Variants in GALNT13 observed in about 807,000 individuals in gnomAD.
GALNT13 encodes polypeptide N-acetylgalactosaminyltransferase 13, also known as UDP-GalNAc:polypeptide N-acetylgalactosaminyltransferase 13.
A neutral mutation model predicts 64.2 loss-of-function variants in GALNT13; 28 were observed. The observed-to-expected ratio is 0.44, with a 90% CI of 0.32 to 0.60. The LOEUF (loss-of-function observed/expected upper bound fraction) is 0.60, where lower values mean the gene tolerates loss of function less well. Ranked by LOEUF, GALNT13 falls within the 20% of genes least tolerant of loss-of-function variation. GALNT13 has a pLI of 0.05. For synonymous variants in GALNT13, 214 were observed against 224.6 expected, an observed-to-expected ratio of 0.95 and a Z score of 0.42; for missense variants, 577 against 669.8, an observed-to-expected ratio of 0.86 and a Z score of 1.53.
the GALNT13 span, among the ~76,000 whole-genome samples, chr2:153,425,837 C>G: frequency 5.3e-5 from 8 of 151,990 alleles, no homozygotes; most frequent in South Asian, 1.7e-3. Flanking sequence ...TCTCATATTA[C>G]ATTCCATTTG....
intron 8 of GALNT13, chr2:154,287,423 T>A (rs1692334665): frequency 2.2e-6 from 1 of 445,722 alleles, no homozygotes; most frequent in Non-Finnish European, 4.2e-6. Flanking sequence ...GCTGCCCCAG[T>A]GAGGGCCCAC....
the GALNT13 span, among the ~76,000 whole-genome samples, chr2:153,780,246 T>G: frequency 5.0e-5 from 2 of 39,836 alleles, no homozygotes; most frequent in South Asian, 4.9e-4. Flanking sequence ...TATATATATA[T>G]ATATATATAT....
intron 3 of GALNT13, among the ~76,000 whole-genome samples, chr2:153,951,449 G>C (rs1692176838): frequency 6.6e-6 from 1 of 152,144 alleles, no homozygotes; most frequent in Admixed American, 6.6e-5. Flanking sequence ...TCTGCTTAGA[G>C]CAAAATAGTG....
At chr2:153,516,579 T>A in the GALNT13 span, among the ~76,000 whole-genome samples, 1 of 151,942 alleles carries the variant, frequency 6.6e-6, no homozygotes, top group Non-Finnish European at 1.5e-5. Flanking sequence ...GTTTCCTTAA[T>A]GAAATATGAG....
intron 4 of GALNT13, among the ~76,000 whole-genome samples, chr2:154,172,690 C>T (rs1685427680): frequency 6.6e-6 from 1 of 151,416 alleles, no homozygotes; most frequent in Non-Finnish European, 1.5e-5. Flanking sequence ...ATACAGAGCA[C>T]ATTTTCTTCA....
the GALNT13 span, among the ~76,000 whole-genome samples, chr2:153,144,897 TGCA>T: frequency 6.6e-6 from 1 of 151,944 alleles, no homozygotes; most frequent in African/African-American, 2.4e-5. Context: ...AGAAATTATA[TGCA>T]TGATTTTTCT....
At chr2:153,101,671 C>T in the GALNT13 span, among the ~76,000 whole-genome samples, 1 of 152,116 alleles carries the variant, frequency 6.6e-6, no homozygotes, top group Non-Finnish European at 1.5e-5. Context: ...CAAAATTGAC[C>T]TACCTGGCTA....
At chr2:153,475,943 A>G in the GALNT13 span, among the ~76,000 whole-genome samples, 1 of 152,176 alleles carries the variant, frequency 6.6e-6, no homozygotes, top group Non-Finnish European at 1.5e-5. Context: ...AAAATAGAAC[A>G]TTGCCATTTC....
At chr2:153,747,707 G>A in the GALNT13 span, among the ~76,000 whole-genome samples, 8 of 152,078 alleles carry the variant, frequency 5.3e-5, no homozygotes, top group Admixed American at 1.3e-4. Flanking sequence ...GATTACAGAC[G>A]TGAGCCACTG....
At chr2:153,144,046 C>T in the GALNT13 span, among the ~76,000 whole-genome samples, 1 of 152,020 alleles carries the variant, frequency 6.6e-6, no homozygotes, top group Non-Finnish European at 1.5e-5. Flanking sequence ...TTTGCCACCT[C>T]TAGCTCTCAT....
At chr2:154,128,830 T>C (rs568777471) in intron 3 of GALNT13, among the ~76,000 whole-genome samples, 3 of 152,274 alleles carry the variant, frequency 2.0e-5, no homozygotes, top group African/African-American at 7.2e-5. Flanking sequence ...AAATGGCTGC[T>C]AGAGCATCTG....
At chr2:153,588,268 G>A in the GALNT13 span, among the ~76,000 whole-genome samples, 1 of 152,304 alleles carries the variant, frequency 6.6e-6, no homozygotes, top group East Asian at 1.9e-4. Context: ...CCACTAGGCA[G>A]TGCCCCAGTA....
At chr2:154,084,866 A>G (rs1701449876) in intron 3 of GALNT13, among the ~76,000 whole-genome samples, 1 of 151,902 alleles carries the variant, frequency 6.6e-6, no homozygotes, top group African/African-American at 2.4e-5. Flanking sequence ...AAGTTTGAAC[A>G]TTTGCCTTAA....
the GALNT13 span, among the ~76,000 whole-genome samples, chr2:153,295,544 A>C: frequency 1.4e-5 from 2 of 142,272 alleles, no homozygotes; most frequent in Non-Finnish European, 3.1e-5. Flanking sequence ...AAAAAAAAAA[A>C]AGAATCCTGT....
chr2:153,236,266 A>G, the GALNT13 span, among the ~76,000 whole-genome samples: 1 of 152,200 alleles, frequency 6.6e-6, no homozygotes, highest in Non-Finnish European at 1.5e-5. Context: ...ATGCTGACAT[A>G]GAAGCTGGAG....
chr2:153,159,525 A>G, the GALNT13 span: 1 of 152,650 alleles, frequency 6.6e-6, no homozygotes, highest in Admixed American at 6.5e-5. Flanking sequence ...GAGGTAAAGA[A>G]TCACCTGTAC....
At chr2:153,214,879 T>A in the GALNT13 span, among the ~76,000 whole-genome samples, 2 of 152,154 alleles carry the variant, frequency 1.3e-5, no homozygotes, top group African/African-American at 4.8e-5. Context: ...TCTTGATTTA[T>A]AAATATCTTT....
At chr2:153,126,569 G>A in the GALNT13 span, among the ~76,000 whole-genome samples, 16 of 151,824 alleles carry the variant, frequency 1.1e-4, no homozygotes, top group East Asian at 1.9e-4. Flanking sequence ...CTAAGCCCAC[G>A]TCTTTCCACT....
At chr2:153,857,900 A>G in the GALNT13 span, among the ~76,000 whole-genome samples, 1 of 152,176 alleles carries the variant, frequency 6.6e-6, no homozygotes, top group Non-Finnish European at 1.5e-5. Context: ...CTTTCAGAGT[A>G]AGACTTATGT....
Sources: allele counts gnomAD v4.1 joint callset (sites outside exome capture counted in the v4.1 genomes callset), GRCh38; gene constraint gnomAD v4.1.1; transcripts MANE v1.5; gene names NCBI Gene and HGNC (gene_info 2026-07-23, HGNC 2026-07-21).